Variants in BICD2 observed in about 807,000 individuals in gnomAD.
The protein encoded by BICD2 is protein bicaudal D homolog 2.
Under a neutral mutation model 72.9 loss-of-function variants are expected in BICD2, and 25 were observed. The observed-to-expected ratio is 0.34, with a 90% CI of 0.25 to 0.48. The LOEUF (loss-of-function observed/expected upper bound fraction) is 0.48, where lower values mean the gene tolerates loss of function less well. Among genes scored for constraint, BICD2 ranks in the 20% least tolerant of loss-of-function variants. BICD2 has a pLI of 0.99. For missense variants in BICD2, 894 were observed against 1,175.2 expected (o/e 0.76, Z 3.50); for synonymous variants, 501 against 516.1 (o/e 0.97, Z 0.40).
At chr9:92,755,563 G>C (rs929781013) in intron 1 of BICD2, among the ~76,000 whole-genome samples, 1 of 152,106 alleles carries the variant, frequency 6.6e-6, no homozygotes, top group Non-Finnish European at 1.5e-5. Flanking sequence ...TCTCTCTTTT[G>C]TACTCTGTCC....
Position 92,720,834 on chromosome 9 carries a change from C to A in BICD2, c.607-79G>T. On this transcript the variant is annotated intron_variant, in intron 3 of 6. Transcript: ENST00000356884. This position sits in a 1 kb window ranked among gnomAD's most constrained non-coding sequence, Gnocchi z 5.4. ...GGCCCCATAAATGAAGAAAACACAC[C>A]AGCACACCAACTCCGGCCACTATGA... is the stretch of plus-strand genomic sequence containing the variant. 1 of 1,427,948 alleles carries A rather than the reference C, an allele frequency of 7.0e-7. No homozygotes were observed. The highest frequency in any genetic ancestry group is 9.5e-7 in the Non-Finnish European group (1 of 1,054,558). 88.5% of individuals were successfully genotyped at this position (1,427,948 alleles called of 1,614,324 possible).
intron 1 of BICD2, among the ~76,000 whole-genome samples, chr9:92,740,772 A>G (rs1278607041): frequency 6.6e-6 from 1 of 152,164 alleles, no homozygotes; most frequent in African/African-American, 2.4e-5. Context: ...ACATACCCCA[A>G]AACCAGGGAA....
rs185383493 is a variant in BICD2, at chr9:92,752,874, C to T, written c.240+11631G>A. On this transcript the variant is annotated intron_variant, in intron 1 of 6. Coordinates refer to ENST00000356884, the MANE Select transcript of BICD2 (RefSeq NM_001003800.2). ...GCAAATAATTTATGTAGATAGCACC[C>T]TGCCCTCAAAGAGGTGGAGCAAACT... Among the ~76,000 whole-genome samples, 253 of 152,314 alleles carry T rather than the reference C, an allele frequency of 1.7e-3. 1 individual carries two copies. The highest frequency in any genetic ancestry group is 5.7e-3 in the African/African-American group (238 of 41,576).
chr9:92,728,159 C>A (rs946326791), intron 2 of BICD2, among the ~76,000 whole-genome samples: 1 of 152,206 alleles, frequency 6.6e-6, no homozygotes, highest in Non-Finnish European at 1.5e-5. Context: ...AGGTTCCAGG[C>A]ACCACAGCAA....
chr9:92,760,156 G>A (rs941609970), intron 1 of BICD2, among the ~76,000 whole-genome samples: 1 of 152,156 alleles, frequency 6.6e-6, no homozygotes, highest in South Asian at 2.1e-4. Context: ...AGTTCACAGG[G>A]ACAGACATCA....
chr9:92,740,790 C>T (rs1480349532), intron 1 of BICD2, among the ~76,000 whole-genome samples: 1 of 152,154 alleles, frequency 6.6e-6, no homozygotes, highest in African/African-American at 2.4e-5. Context: ...GAACTGAACA[C>T]TTACCAACCT....
At chr9:92,756,627 C>T (rs534840417) in intron 1 of BICD2, among the ~76,000 whole-genome samples, 159 of 150,650 alleles carry the variant, frequency 1.1e-3, no homozygotes, top group African/African-American at 3.8e-3. Flanking sequence ...AATCCCAGCA[C>T]TTTGGGAGGC....
intron 1 of BICD2, among the ~76,000 whole-genome samples, chr9:92,732,166 G>A (rs969919127): frequency 1.4e-4 from 21 of 152,296 alleles, no homozygotes; most frequent in Admixed American, 6.5e-5. Flanking sequence ...TTCTAGAGAC[G>A]AAAAGTACAG....
intron 2 of BICD2, among the ~76,000 whole-genome samples, chr9:92,728,282 A>G (rs920308857): frequency 2.0e-5 from 3 of 152,188 alleles, no homozygotes; most frequent in African/African-American, 7.2e-5. Context: ...CTTTGCCCCT[A>G]TCAGGGCCCA....
chr9:92,742,653 G>A (rs753068291), intron 1 of BICD2, among the ~76,000 whole-genome samples: 2 of 151,928 alleles, frequency 1.3e-5, no homozygotes, highest in Admixed American at 6.6e-5. Context: ...AAAGTGCTGG[G>A]ATTACAGGCG....
At chr9:92,763,800 G>A (rs1454567092) in intron 1 of BICD2, among the ~76,000 whole-genome samples, 1 of 152,178 alleles carries the variant, frequency 6.6e-6, no homozygotes, top group African/African-American at 2.4e-5. Context: ...AAGCGGGGCT[G>A]GACAGGAAGT....
chr9:92,749,382 C>G (rs146165338), intron 1 of BICD2, among the ~76,000 whole-genome samples: 1 of 152,206 alleles, frequency 6.6e-6, no homozygotes, highest in African/African-American at 2.4e-5. Context: ...TGCATTTCCC[C>G]AAGGAGGACT....
At position 92,720,194 on chromosome 9, in the gene BICD2, G is replaced by C; in HGVS notation, c.1062+106C>G. ...GATGCAGGAGATAAAATCAACGTAA[G>C]GAAAAGGGAAAGTTAACATCAGCAG... On this transcript the variant is annotated intron_variant, in intron 4 of 6. Coordinates refer to ENST00000356884, the MANE Select transcript of BICD2 (RefSeq NM_001003800.2). This position sits in a 1 kb window ranked among gnomAD's most constrained non-coding sequence, Gnocchi z 5.4. 1 of 1,151,318 alleles carries C rather than the reference G, an allele frequency of 8.7e-7. No homozygotes were observed. The highest frequency in any genetic ancestry group is 1.2e-6 in the Non-Finnish European group (1 of 833,776). The allele number at this position is 1,151,318 out of a possible 1,614,324, so 71.3% of individuals were successfully genotyped here.
chr9:92,714,946 G>T lies in BICD2; in HGVS notation c.*208C>A. On this transcript the variant is annotated 3_prime_UTR_variant, in exon 7 of 7. Transcript: ENST00000356884. Reference sequence around the variant, plus strand: ...CACCTAAGAGAGCAGCTGAGGACTGGGTGCTCCTGAGGGGGCTTTGAGGAG... The same window carrying T: ...CACCTAAGAGAGCAGCTGAGGACTGTGTGCTCCTGAGGGGGCTTTGAGGAG... The T allele has an allele frequency of 7.2e-7, 1 of 1,386,584 alleles. No individual in the cohort carries two copies. The highest frequency in any genetic ancestry group is 9.3e-7 in the Non-Finnish European group (1 of 1,073,748). The allele number at this position is 1,386,584 out of a possible 1,614,324, so 85.9% of individuals were successfully genotyped here. A position where few individuals can be genotyped will look rare whatever the true frequency, so the allele number is the denominator to read the frequency against.
intron 1 of BICD2, among the ~76,000 whole-genome samples, chr9:92,738,501 A>G (rs1278586086): frequency 6.6e-6 from 1 of 152,140 alleles, no homozygotes; most frequent in Non-Finnish European, 1.5e-5. Flanking sequence ...GCTACAAAGG[A>G]AAGTCACCCC....
intron 5 of BICD2, 57 bp from the exon 6 acceptor site, chr9:92,718,005 GC>G: frequency 6.4e-7 from 1 of 1,559,800 alleles, no homozygotes; most frequent in African/African-American, 1.4e-5. Context: ...GCCTAGAGGT[GC>G]TCTGGGAGCA....
chr9:92,725,231 G>T (rs984334427), intron 2 of BICD2, among the ~76,000 whole-genome samples: 1 of 152,170 alleles, frequency 6.6e-6, no homozygotes, highest in South Asian at 2.1e-4. Flanking sequence ...TCATCACCTG[G>T]CCCAGGCAAG....
rs1853419331 is a variant in BICD2, at chr9:92,719,707, T to C, written c.1063-125A>G. ...GGGCAGGCTGTCAGCCCCAGGTTCC[T>C]TGGCCATGCTGTCAGTGAGGTGGAC... On this transcript the variant is annotated intron_variant, in intron 4 of 6. Coordinates refer to ENST00000356884, the MANE Select transcript of BICD2 (RefSeq NM_001003800.2). 40 of 983,110 alleles carry C rather than the reference T, an allele frequency of 4.1e-5. No individual in the cohort carries two copies. In the South Asian group the frequency reaches 6.7e-4, roughly 16 times the overall value. 60.9% of individuals were successfully genotyped at this position (983,110 alleles called of 1,614,324 possible).
At position 92,712,894 on chromosome 9, in the gene BICD2, G is replaced by A. The variant is rs1180182882; in HGVS notation, c.*2260C>T. 1 of 152,928 alleles carries A rather than the reference G, an allele frequency of 6.5e-6. No homozygotes were observed. The highest frequency in any genetic ancestry group is 2.4e-5 in the African/African-American group (1 of 41,438). 9.5% of individuals were successfully genotyped at this position (152,928 alleles called of 1,614,324 possible). On this transcript the variant is annotated 3_prime_UTR_variant, in exon 7 of 7. Transcript: ENST00000356884. Reference sequence around the variant, plus strand: ...CTAAAGGCTGCTGAACCACAGCGTGGATACACTTAGCTGAGCTCCTCGCTG... The same window carrying A: ...CTAAAGGCTGCTGAACCACAGCGTGAATACACTTAGCTGAGCTCCTCGCTG...
Sources: allele counts gnomAD v4.1 joint callset (sites outside exome capture counted in the v4.1 genomes callset), GRCh38; gene constraint gnomAD v4.1.1; non-coding constraint Gnocchi (gnomAD v3.1); transcripts MANE v1.5; gene names NCBI Gene and HGNC (gene_info 2026-07-23, HGNC 2026-07-21).